Variants in NCAM2 observed in about 807,000 individuals in gnomAD.
NCAM2 encodes the protein neural cell adhesion molecule 2.
A neutral mutation model predicts 98.1 loss-of-function variants in NCAM2; 30 were observed. The ratio of observed to expected loss-of-function variants is 0.31; its 90% CI spans 0.23 to 0.41. The LOEUF (loss-of-function observed/expected upper bound fraction) is 0.41, where lower values mean the gene tolerates loss of function less well. Ranked by LOEUF, NCAM2 falls within the 10% of genes least tolerant of loss-of-function variation. The pLI is 1.00. For missense variants in NCAM2, 867 were observed against 1,005.8 expected (o/e 0.86, Z 1.87); for synonymous variants, 368 against 342.4 (o/e 1.07, Z -0.83).
At chr21:21,467,286 G>A (rs1569093946) in intron 13 of NCAM2, among the ~76,000 whole-genome samples, 1 of 150,576 alleles carries the variant, frequency 6.6e-6, no homozygotes, top group Non-Finnish European at 1.5e-5. Flanking sequence ...TTTCCTTTAT[G>A]TTAAATAAAT....
At chr21:21,179,581 T>C (rs1367521933) in intron 1 of NCAM2, among the ~76,000 whole-genome samples, 1 of 152,242 alleles carries the variant, frequency 6.6e-6, no homozygotes, top group Non-Finnish European at 1.5e-5. Flanking sequence ...GTGTGACATT[T>C]GTCAAGAAGT....
chr21:21,017,707 G>A (rs989991634), intron 1 of NCAM2, among the ~76,000 whole-genome samples: 7 of 151,996 alleles, frequency 4.6e-5, no homozygotes, highest in African/African-American at 1.4e-4. Flanking sequence ...AACTATGCAC[G>A]CGCTCCATAA....
intron 1 of NCAM2, among the ~76,000 whole-genome samples, chr21:21,130,882 A>G (rs896560978): frequency 2.6e-5 from 4 of 152,224 alleles, no homozygotes; most frequent in Non-Finnish European, 5.9e-5. Context: ...ACATTTTTCT[A>G]AATTGGCCAA....
chr21:21,506,589 T>A (rs772671436), intron 15 of NCAM2, among the ~76,000 whole-genome samples: 1 of 152,118 alleles, frequency 6.6e-6, no homozygotes, highest in African/African-American at 2.4e-5. Flanking sequence ...TACACTTGTT[T>A]ATTGAGATTT....
intron 1 of NCAM2, among the ~76,000 whole-genome samples, chr21:21,073,203 T>G (rs2065608990): frequency 6.6e-6 from 1 of 152,262 alleles, no homozygotes; most frequent in Non-Finnish European, 1.5e-5. Flanking sequence ...TATCACATTT[T>G]ATTTGTCCAT....
chr21:21,021,994 A>C (rs2064447760), intron 1 of NCAM2, among the ~76,000 whole-genome samples: 1 of 152,156 alleles, frequency 6.6e-6, no homozygotes, highest in African/African-American at 2.4e-5. Flanking sequence ...TATACTTAGA[A>C]TAAAAGAAGA....
intron 1 of NCAM2, among the ~76,000 whole-genome samples, chr21:21,054,881 CT>C (rs1043451009): frequency 1.3e-5 from 2 of 151,842 alleles, no homozygotes; most frequent in East Asian, 1.9e-4. Context: ...CTGTTTCTGC[CT>C]CATAAATTTT....
chr21:21,126,180 G>A (rs1437025923), intron 1 of NCAM2, among the ~76,000 whole-genome samples: 3 of 138,446 alleles, frequency 2.2e-5, no homozygotes, highest in South Asian at 2.3e-4. Flanking sequence ...GATCATTTCC[G>A]GGGTAGGAGC....
At chr21:21,187,387 C>T (rs552956250) in intron 1 of NCAM2, among the ~76,000 whole-genome samples, 3 of 152,132 alleles carry the variant, frequency 2.0e-5, no homozygotes, top group South Asian at 2.1e-4. Context: ...TACTTTTTAA[C>T]GTTTCTTTCC....
At chr21:21,217,131 T>C (rs1350537905) in intron 1 of NCAM2, among the ~76,000 whole-genome samples, 1 of 152,212 alleles carries the variant, frequency 6.6e-6, no homozygotes, top group Admixed American at 6.5e-5. Context: ...AATCCAGTTT[T>C]TGCTGTCATG....
At chr21:21,088,714 T>G (rs6417722) in intron 1 of NCAM2, among the ~76,000 whole-genome samples, 5 of 152,146 alleles carry the variant, frequency 3.3e-5, no homozygotes, top group African/African-American at 9.7e-5. Flanking sequence ...TTCTTGGGGC[T>G]AGGAGCGGTG....
At chr21:21,527,559 C>T (rs1989395649) in intron 16 of NCAM2, among the ~76,000 whole-genome samples, 2 of 151,950 alleles carry the variant, frequency 1.3e-5, no homozygotes, top group African/African-American at 2.4e-5. Context: ...TTAATACATA[C>T]CTAATTAAAG....
At chr21:21,106,324 A>AAAAAAAAAAAAAAAAAAAAC (rs1569029091) in intron 1 of NCAM2, among the ~76,000 whole-genome samples, 14 of 151,034 alleles carry the variant, frequency 9.3e-5, no homozygotes, top group African/African-American at 3.4e-4. Flanking sequence ...CAAAAAAAAA[A>AAAAAAAAAAAAAAAAAAAAC]AAAAAGGAAC....
intron 1 of NCAM2, among the ~76,000 whole-genome samples, chr21:21,258,973 A>G (rs1167437724): frequency 6.6e-6 from 1 of 152,142 alleles, no homozygotes; most frequent in African/African-American, 2.4e-5. Context: ...ACAGGGAGGT[A>G]CTGACGGCCA....
At chr21:21,288,053 T>A (rs1302872372) in intron 4 of NCAM2, among the ~76,000 whole-genome samples, 1 of 151,616 alleles carries the variant, frequency 6.6e-6, no homozygotes, top group Non-Finnish European at 1.5e-5. Context: ...ATAAAAAGCA[T>A]AGTATTTGGT....
chr21:21,503,829 A>T (rs1453597326), intron 15 of NCAM2, among the ~76,000 whole-genome samples: 1 of 151,942 alleles, frequency 6.6e-6, no homozygotes, highest in Non-Finnish European at 1.5e-5. Flanking sequence ...TTTAATAGTA[A>T]AATATAAACC....
chr21:21,343,786 T>A (rs2075113863), intron 8 of NCAM2, among the ~76,000 whole-genome samples: 2 of 151,974 alleles, frequency 1.3e-5, no homozygotes, highest in Admixed American at 6.6e-5. Context: ...CCAGTAAACT[T>A]GAAAAAACTT....
chr21:21,158,557 A>T (rs980437035), intron 1 of NCAM2, among the ~76,000 whole-genome samples: 1 of 151,570 alleles, frequency 6.6e-6, no homozygotes, highest in Non-Finnish European at 1.5e-5. Flanking sequence ...GTAGGCTGAG[A>T]TCGCACCACT....
chr21:21,276,146 A>G (rs2072721795), intron 1 of NCAM2, among the ~76,000 whole-genome samples: 1 of 152,056 alleles, frequency 6.6e-6, no homozygotes, highest in Non-Finnish European at 1.5e-5. Flanking sequence ...TCTTGATCAT[A>G]AATTTTATAA....
Sources: allele counts gnomAD v4.1 joint callset (sites outside exome capture counted in the v4.1 genomes callset), GRCh38; gene constraint gnomAD v4.1.1; transcripts MANE v1.5; gene names NCBI Gene and HGNC (gene_info 2026-07-23, HGNC 2026-07-21).